TSHZ2: variants seen among roughly 807,000 people sequenced by gnomAD.
TSHZ2 encodes teashirt homolog 2.
Under a neutral mutation model 74.4 loss-of-function variants are expected in TSHZ2, and 21 were observed. The observed-to-expected ratio is 0.28, with a 90% CI of 0.20 to 0.41. The LOEUF (loss-of-function observed/expected upper bound fraction) is 0.41, where lower values mean the gene tolerates loss of function less well. TSHZ2 is among the 10% of genes least tolerant of loss of function. The pLI, the probability that TSHZ2 is intolerant of heterozygous loss-of-function variation, is 1.00. For synonymous variants in TSHZ2, 540 were observed against 515.3 expected (o/e 1.05, Z -0.65); for missense variants, 1,244 against 1,293.5 (o/e 0.96, Z 0.59).
chr20:53,013,078 T>TTGTTTCATC (rs1982913724), intron 1 of TSHZ2, among the ~76,000 whole-genome samples: 1 of 152,228 alleles, frequency 6.6e-6, no homozygotes, highest in South Asian at 2.1e-4. Context: ...TCTTGTTTTC[T>TTGTTTCATC]TGTTTCATCT....
intron 1 of TSHZ2, among the ~76,000 whole-genome samples, chr20:53,242,272 A>T (rs1990088121): frequency 6.6e-6 from 1 of 152,090 alleles, no homozygotes; most frequent in Non-Finnish European, 1.5e-5. Flanking sequence ...GCAACCAAAA[A>T]TGTCCTCAAA....
chr20:53,138,892 A>T (rs1463591235), intron 1 of TSHZ2, among the ~76,000 whole-genome samples: 1 of 152,236 alleles, frequency 6.6e-6, no homozygotes, highest in East Asian at 1.9e-4. Context: ...AGAAGGGCTC[A>T]AACATTTTCT....
At chr20:53,163,975 T>A (rs1052687361) in intron 1 of TSHZ2, among the ~76,000 whole-genome samples, 3 of 152,248 alleles carry the variant, frequency 2.0e-5, no homozygotes, top group African/African-American at 7.2e-5. Flanking sequence ...AGTGGTTATA[T>A]TATATTGTAA....
intron 2 of TSHZ2, among the ~76,000 whole-genome samples, chr20:53,473,103 C>T (rs1985877925): frequency 6.7e-6 from 1 of 148,928 alleles, no homozygotes; most frequent in South Asian, 2.2e-4. Context: ...ATTGCCCAGG[C>T]TTGCTTAGGT....
chr20:53,050,690 C>A (rs916977451), intron 1 of TSHZ2, among the ~76,000 whole-genome samples: 1 of 152,152 alleles, frequency 6.6e-6, no homozygotes, highest in Non-Finnish European at 1.5e-5. Flanking sequence ...TTTGATAAAG[C>A]AACTGAATAA....
intron 2 of TSHZ2, among the ~76,000 whole-genome samples, chr20:53,417,891 A>G (rs956829119): frequency 3.3e-5 from 5 of 152,136 alleles, no homozygotes; most frequent in Non-Finnish European, 7.3e-5. Flanking sequence ...AACACTGAGG[A>G]CCTCCTCAGC....
At chr20:53,295,243 C>T (rs8125417) in intron 2 of TSHZ2, among the ~76,000 whole-genome samples, 35,418 of 152,000 alleles carry the variant, frequency 0.23, 4,225 homozygotes, top group East Asian at 0.26. Context: ...AAAAAATTTG[C>T]GTTCTGTGGT....
chr20:53,079,623 A>ATGTGC (rs1179692797), intron 1 of TSHZ2, among the ~76,000 whole-genome samples: 3 of 152,352 alleles, frequency 2.0e-5, no homozygotes, highest in Admixed American at 1.3e-4. Flanking sequence ...CAGCTGGATT[A>ATGTGC]TGTGCCAATA....
intron 1 of TSHZ2, among the ~76,000 whole-genome samples, chr20:53,201,307 T>TG (rs1196403941): frequency 6.6e-6 from 1 of 152,200 alleles, no homozygotes; most frequent in African/African-American, 2.4e-5. Context: ...AAAATGGATG[T>TG]GTCAGTAGGC....
At chr20:53,004,135 C>T (rs1239636657) in intron 1 of TSHZ2, among the ~76,000 whole-genome samples, 1 of 151,758 alleles carries the variant, frequency 6.6e-6, no homozygotes, top group Non-Finnish European at 1.5e-5. Context: ...GAACACGCAC[C>T]CACTCCCCCC....
chr20:53,148,525 C>T (rs1356370480), intron 1 of TSHZ2, among the ~76,000 whole-genome samples: 2 of 152,102 alleles, frequency 1.3e-5, no homozygotes, highest in East Asian at 3.9e-4. Context: ...CCTGTAGATG[C>T]TCATATTCAA....
chr20:53,420,522 C>T (rs568322059), intron 2 of TSHZ2, among the ~76,000 whole-genome samples: 5 of 152,110 alleles, frequency 3.3e-5, no homozygotes, highest in African/African-American at 4.8e-5. Context: ...GCCAGGAGAT[C>T]GAGACCATCC....
At chr20:53,187,156 G>C (rs796396278) in intron 1 of TSHZ2, among the ~76,000 whole-genome samples, 12 of 152,190 alleles carry the variant, frequency 7.9e-5, no homozygotes, top group African/African-American at 2.9e-4. Flanking sequence ...CACGTCTGGG[G>C]GCTACACATC....
Position 53,489,320 on chromosome 20 carries a change from G to A in TSHZ2, c.*2185G>A. The A allele has an allele frequency of 2.5e-6, 1 of 395,356 alleles. No homozygotes were observed. The highest frequency in any genetic ancestry group is 5.0e-6 in the Non-Finnish European group (1 of 198,830). 24.5% of individuals were successfully genotyped at this position (395,356 alleles called of 1,614,324 possible). A position where few individuals can be genotyped will look rare whatever the true frequency, so the allele number is the denominator to read the frequency against. ...GAAATGAATGGAGCTCGACTGGAAA[G>A]GAACAGTCTTCAGATGGGTTAAGAT... On this transcript the variant is annotated 3_prime_UTR_variant, in exon 3 of 3. Transcript: ENST00000371497.
At chr20:53,385,452 C>T (rs74517222) in intron 2 of TSHZ2, among the ~76,000 whole-genome samples, 1 of 152,104 alleles carries the variant, frequency 6.6e-6, no homozygotes, top group Non-Finnish European at 1.5e-5. Flanking sequence ...CTCACGCCTC[C>T]CTCGGTGTAG....
At chr20:52,983,949 G>A (rs968960541) in intron 1 of TSHZ2, among the ~76,000 whole-genome samples, 2 of 152,226 alleles carry the variant, frequency 1.3e-5, no homozygotes, top group African/African-American at 4.8e-5. Flanking sequence ...CCCAGGCGGC[G>A]AAGCTTAGGG....
intron 2 of TSHZ2, among the ~76,000 whole-genome samples, chr20:53,454,479 T>C (rs1041253786): frequency 6.6e-6 from 1 of 151,990 alleles, no homozygotes; most frequent in Non-Finnish European, 1.5e-5. Context: ...GAAGAATCAC[T>C]TGAACCCAGG....
intron 2 of TSHZ2, among the ~76,000 whole-genome samples, chr20:53,475,497 G>T (rs1298799778): frequency 0.014 from 1,511 of 107,938 alleles, 123 homozygotes; most frequent in African/African-American, 0.055. Context: ...TCTCTGGGAC[G>T]CATTCAAAGC....
chr20:53,040,370 G>A lies in TSHZ2; in HGVS notation c.40+67037G>A, dbSNP rs903719947. 7.2e-5 allele frequency among the ~76,000 whole-genome samples: 11 copies of A among 152,262 alleles called. No homozygotes were observed. In the South Asian group the frequency reaches 1.4e-3, roughly 20 times the overall value. On this transcript the variant is annotated intron_variant, in intron 1 of 2. Transcript: ENST00000371497. ...GGAGGAGGGCTAAATCAGAGGGCAG[G>A]TGTGGGGTAAGTGGTGCAAAGGCTT...
Sources: allele counts gnomAD v4.1 joint callset (sites outside exome capture counted in the v4.1 genomes callset), GRCh38; gene constraint gnomAD v4.1.1; transcripts MANE v1.5; gene names NCBI Gene and HGNC (gene_info 2026-07-23, HGNC 2026-07-21).